Variants in ARAP2 observed in about 807,000 individuals in gnomAD.
The protein encoded by ARAP2 is ArfGAP with RhoGAP domain, ankyrin repeat and PH domain 2.
A neutral mutation model predicts 194.5 loss-of-function variants in ARAP2; 148 were observed. That is an observed-to-expected ratio of 0.76 (90% CI 0.67 to 0.87). The LOEUF (loss-of-function observed/expected upper bound fraction) is 0.87. Ranked by LOEUF, ARAP2 falls within the 40% of genes least tolerant of loss-of-function variation. The probability of loss-of-function intolerance (pLI) is 0.00; values close to 1 mark genes in which losing one functional copy is unlikely to be tolerated. For synonymous variants in ARAP2, 695 were observed against 683.5 expected, an observed-to-expected ratio of 1.02 and a Z score of -0.26; for missense variants, 2,128 against 1,989.7, an observed-to-expected ratio of 1.07 and a Z score of -1.32.
intron 11 of ARAP2, among the ~76,000 whole-genome samples, chr4:36,163,875 AT>A (rs1734667987): frequency 6.6e-6 from 1 of 152,314 alleles, no homozygotes; most frequent in Non-Finnish European, 1.5e-5. Context: ...ATTCACTGGC[AT>A]TTTTTGTTGT....
intron 26 of ARAP2, among the ~76,000 whole-genome samples, 182 bp from the exon 27 acceptor site, chr4:36,107,875 T>C (rs561891145): frequency 3.9e-4 from 59 of 151,948 alleles, no homozygotes; most frequent in Non-Finnish European, 7.2e-4. Context: ...TCCTAAGACC[T>C]AGAAAATTAT....
chr4:36,165,192 T>C (rs1735001219), intron 10 of ARAP2, 79 bp from the exon 11 acceptor site: 1 of 1,381,194 alleles, frequency 7.2e-7, no homozygotes, highest in Non-Finnish European at 1.0e-6. Context: ...TGCATATTCA[T>C]TTCACTCACA....
At chr4:36,056,553 A>T (rs1723547163) in intron 2 of ARAP2, among the ~76,000 whole-genome samples, 1 of 152,106 alleles carries the variant, frequency 6.6e-6, no homozygotes, top group African/African-American at 2.4e-5. Flanking sequence ...TATATATTTT[A>T]TGTGTGTCTC....
In ARAP2 at chr4:36,028,246, T is replaced by G. The variant is rs1718269161; in HGVS notation, n.608-8960A>C. Among the ~76,000 whole-genome samples, 4 of 152,232 alleles carry G rather than the reference T, an allele frequency of 2.6e-5. No individual in the cohort carries two copies. The East Asian group carries it at 7.7e-4, about 29-fold the overall frequency. ...AGATTTCCTTTTTGGCATGGAAAAA[T>G]GTATGTAGCGTTATAATTATGATTA... On this transcript the variant is annotated intron_variant and non_coding_transcript_variant, in intron 5 of 12. Transcript: ENST00000503225.
chr4:36,189,580 C>T (rs1741399806), intron 7 of ARAP2, among the ~76,000 whole-genome samples: 3 of 152,110 alleles, frequency 2.0e-5, no homozygotes, highest in Admixed American at 2.0e-4. Context: ...CCCTTCACAG[C>T]CTCTACTATC....
intron 3 of ARAP2, chr4:36,046,852 C>T (rs912596712): frequency 6.6e-6 from 1 of 152,200 alleles, no homozygotes; most frequent in Non-Finnish European, 1.5e-5. Flanking sequence ...TTACCCACCT[C>T]ATTAGGACAG....
intron 26 of ARAP2, among the ~76,000 whole-genome samples, chr4:36,113,417 T>C (rs900842295): frequency 5.3e-5 from 8 of 152,032 alleles, no homozygotes; most frequent in Non-Finnish European, 1.0e-4. Context: ...TTATCACTTA[T>C]TGCAACACTC....
intron 9 of ARAP2, among the ~76,000 whole-genome samples, chr4:36,170,634 T>C (rs1437404180): frequency 1.3e-5 from 2 of 152,232 alleles, no homozygotes; most frequent in African/African-American, 4.8e-5. Flanking sequence ...AGCATCTGTC[T>C]TCATTAAGCA....
chr4:36,030,815 T>C (rs2109362115), intron 5 of ARAP2, among the ~76,000 whole-genome samples: 1 of 151,138 alleles, frequency 6.6e-6, no homozygotes, highest in East Asian at 1.9e-4. Flanking sequence ...TTTTTTTTTT[T>C]TTGGTACTAT....
chr4:36,131,955 A>G (rs1386921675), intron 20 of ARAP2, among the ~76,000 whole-genome samples: 3 of 151,772 alleles, frequency 2.0e-5, no homozygotes, highest in East Asian at 1.9e-4. Context: ...GGCCTTATGT[A>G]TATTTTTTCA....
At chr4:36,210,045 A>C (rs189733565) in intron 6 of ARAP2, among the ~76,000 whole-genome samples, 24 of 152,332 alleles carry the variant, frequency 1.6e-4, no homozygotes, top group African/African-American at 5.5e-4. Context: ...GCTGAGTAAT[A>C]CTAACTCAGT....
intron 31 of ARAP2, among the ~76,000 whole-genome samples, chr4:36,078,634 A>C (rs1195804162): frequency 2.0e-5 from 3 of 152,214 alleles, no homozygotes; most frequent in Non-Finnish European, 4.4e-5. Flanking sequence ...AAAGATAATT[A>C]GGCTAAATCT....
chr4:36,039,104 G>T (rs1443688632), intron 5 of ARAP2, among the ~76,000 whole-genome samples: 1 of 152,136 alleles, frequency 6.6e-6, no homozygotes, highest in Non-Finnish European at 1.5e-5. Flanking sequence ...TTTGTCAAGG[G>T]CAGGGAGATA....
intron 12 of ARAP2, 125 bp downstream of exon 12, chr4:36,161,340 G>A: frequency 1.5e-6 from 1 of 667,504 alleles, no homozygotes; most frequent in South Asian, 1.8e-5. Flanking sequence ...CTTCCATAAT[G>A]TGGTGAGAAC....
intron 8 of ARAP2, 83 bp downstream of exon 8, chr4:36,187,368 C>A: frequency 1.3e-6 from 1 of 746,446 alleles, no homozygotes; most frequent in South Asian, 5.1e-5. Flanking sequence ...TTAAAGGTTT[C>A]TTGACATTCC....
chr4:36,096,820 G>T (rs541737044), intron 27 of ARAP2, among the ~76,000 whole-genome samples: 1 of 152,214 alleles, frequency 6.6e-6, no homozygotes, highest in East Asian at 1.9e-4. Flanking sequence ...TAGCTAAGAA[G>T]TAGAGTAAGC....
intron 27 of ARAP2, among the ~76,000 whole-genome samples, chr4:36,096,861 T>C (rs1715464485): frequency 1.3e-5 from 2 of 152,146 alleles, no homozygotes; most frequent in Admixed American, 1.3e-4. Flanking sequence ...GACTTGGTCA[T>C]ATAGCTGGTT....
chr4:36,122,847 A>G (rs995015620), intron 22 of ARAP2, among the ~76,000 whole-genome samples: 1 of 151,772 alleles, frequency 6.6e-6, no homozygotes, highest in Non-Finnish European at 1.5e-5. Flanking sequence ...CGAGAACTGT[A>G]AGTGGCACAC....
At chr4:36,094,818 A>G (rs1178387821) in intron 27 of ARAP2, among the ~76,000 whole-genome samples, 1 of 152,148 alleles carries the variant, frequency 6.6e-6, no homozygotes, top group Non-Finnish European at 1.5e-5. Flanking sequence ...ATTAATCACA[A>G]TTAATATAAT....
Sources: allele counts gnomAD v4.1 joint callset (sites outside exome capture counted in the v4.1 genomes callset), GRCh38; gene constraint gnomAD v4.1.1; transcripts MANE v1.5; gene names NCBI Gene and HGNC (gene_info 2026-07-23, HGNC 2026-07-21).